The following MAPRE2 variants were observed in gnomAD, a reference collection of about 807,000 sequenced individuals.
The protein encoded by MAPRE2 is microtubule associated protein RP/EB family member 2, also known as microtubule-associated protein RP/EB family member 2.
Under a neutral mutation model 43.2 loss-of-function variants are expected in MAPRE2, and 13 were observed. The ratio of observed to expected loss-of-function variants is 0.30; its 90% confidence interval spans 0.20 to 0.48. MAPRE2 has a LOEUF of 0.48. Ranked by LOEUF, MAPRE2 falls within the 20% of genes least tolerant of loss-of-function variation. The pLI is 0.99. For synonymous variants in MAPRE2, 135 were observed against 148.8 expected, an observed-to-expected ratio of 0.91 and a Z score of 0.68; for missense variants, 161 against 400.2, an observed-to-expected ratio of 0.40 and a Z score of 5.10.
At chr18:35,047,288 CAG>C (rs1905678909) in intron 1 of MAPRE2, among the ~76,000 whole-genome samples, 1 of 152,184 alleles carries the variant, frequency 6.6e-6, no homozygotes, top group South Asian at 2.1e-4. Context: ...TTCCTGACTT[CAG>C]GCCATCTTTC....
At chr18:35,055,783 TG>T (rs1380779749) in intron 1 of MAPRE2, among the ~76,000 whole-genome samples, 2 of 151,974 alleles carry the variant, frequency 1.3e-5, no homozygotes, top group Non-Finnish European at 1.5e-5. Flanking sequence ...GGTGAAACCT[TG>T]TCTCTACTAA....
chr18:35,041,251 G>C, upstream of MAPRE2: 5 of 1,223,006 alleles, frequency 4.1e-6, no homozygotes, highest in Non-Finnish European at 5.3e-6. Context: ...GGAGCTGCTG[G>C]CGTGGTCACG....
At chr18:35,075,115 A>G (rs1907284504) in intron 2 of MAPRE2, among the ~76,000 whole-genome samples, 1 of 152,154 alleles carries the variant, frequency 6.6e-6, no homozygotes, top group African/African-American at 2.4e-5. Flanking sequence ...GAATTTGGCT[A>G]ATGATATTGT....
intron 1 of MAPRE2, among the ~76,000 whole-genome samples, chr18:34,996,889 C>T (rs1478727465): frequency 1.3e-5 from 2 of 152,174 alleles, no homozygotes; most frequent in Non-Finnish European, 2.9e-5. Flanking sequence ...ATGAGAAAAG[C>T]CTGTGATTTG....
chr18:34,993,256 T>G lies in MAPRE2; in HGVS notation c.-69-12236T>G, dbSNP rs540349141. 8.4e-3 allele frequency among the ~76,000 whole-genome samples: 991 copies of G among 118,596 alleles called. 57 individuals are homozygous for G. In the East Asian group the frequency reaches 0.18, roughly 21 times the overall value. The allele number at this position is 118,596 out of a possible 152,430, so 77.8% of individuals were successfully genotyped here. On this transcript the variant is annotated intron_variant, in intron 1 of 7. Transcript: ENST00000413393. ...ATAGGTGTATACCACCATTCCCGCC[T>G]TTTTTTTTTTTTTTTTTTTTACTTT...
intron 1 of MAPRE2, among the ~76,000 whole-genome samples, chr18:34,977,355 G>C (rs540727125): frequency 6.6e-6 from 1 of 152,332 alleles, no homozygotes; most frequent in East Asian, 1.9e-4. Context: ...GGAAAGTGGA[G>C]GGAGGGAGTT....
chr18:35,058,036 T>C (rs1036088063), intron 1 of MAPRE2, among the ~76,000 whole-genome samples: 5 of 152,216 alleles, frequency 3.3e-5, no homozygotes, highest in African/African-American at 1.2e-4. Flanking sequence ...ATGGGTTTGA[T>C]GTAGAGGCAG....
At chr18:34,992,223 G>A (rs1324555884) in intron 1 of MAPRE2, among the ~76,000 whole-genome samples, 2 of 152,136 alleles carry the variant, frequency 1.3e-5, no homozygotes, top group African/African-American at 4.8e-5. Context: ...TAAAATTAGA[G>A]AAATGATAAA....
At chr18:35,019,842 G>C (rs1042435962) in intron 2 of MAPRE2, among the ~76,000 whole-genome samples, 13 of 151,938 alleles carry the variant, frequency 8.6e-5, no homozygotes, top group Admixed American at 8.5e-4. Flanking sequence ...ATTACAGCGT[G>C]GAATTCCTGA....
At chr18:35,051,059 T>C (rs751941001) in intron 1 of MAPRE2, among the ~76,000 whole-genome samples, 1 of 152,198 alleles carries the variant, frequency 6.6e-6, no homozygotes, top group Non-Finnish European at 1.5e-5. Context: ...GACAGGATCA[T>C]TGGGAGATGG....
intron 2 of MAPRE2, among the ~76,000 whole-genome samples, chr18:35,034,316 T>G (rs1309389441): frequency 2.6e-5 from 4 of 152,144 alleles, no homozygotes; most frequent in Non-Finnish European, 5.9e-5. Context: ...CCATCCTATG[T>G]AGAAAGCTGA....
At chr18:35,128,523 T>C (rs1315181577) in intron 5 of MAPRE2, among the ~76,000 whole-genome samples, 1 of 152,206 alleles carries the variant, frequency 6.6e-6, no homozygotes. Flanking sequence ...CAGTACAACA[T>C]AACTTTACAT....
chr18:35,015,662 G>GTGTT (rs1473792332), intron 2 of MAPRE2, among the ~76,000 whole-genome samples: 1 of 151,408 alleles, frequency 6.6e-6, no homozygotes, highest in Non-Finnish European at 1.5e-5. Context: ...GTGTGTGTGT[G>GTGTT]TGTGTGTGTG....
intron 1 of MAPRE2, among the ~76,000 whole-genome samples, chr18:35,060,593 A>C (rs1906473357): frequency 6.6e-6 from 1 of 152,298 alleles, no homozygotes; most frequent in South Asian, 2.1e-4. Flanking sequence ...AGAATTCCAA[A>C]ATTTTGTCAT....
chr18:35,100,534 T>C (rs2144176459), intron 3 of MAPRE2, among the ~76,000 whole-genome samples: 1 of 152,274 alleles, frequency 6.6e-6, no homozygotes, highest in Non-Finnish European at 1.5e-5. Flanking sequence ...TGCAGCACTA[T>C]TCACAATAGC....
chr18:35,032,008 A>C (rs947026259), intron 2 of MAPRE2, among the ~76,000 whole-genome samples: 1 of 152,186 alleles, frequency 6.6e-6, no homozygotes, highest in African/African-American at 2.4e-5. Context: ...AACCAATCTC[A>C]AATACATTTC....
chr18:35,000,332 A>G (rs1446267617), intron 1 of MAPRE2, among the ~76,000 whole-genome samples: 3 of 152,252 alleles, frequency 2.0e-5, no homozygotes, highest in Non-Finnish European at 1.5e-5. Context: ...CTGGTTAAAC[A>G]CATAGCAATG....
At chr18:35,043,133 T>C (rs770353556) in intron 1 of MAPRE2, among the ~76,000 whole-genome samples, 3 of 152,244 alleles carry the variant, frequency 2.0e-5, no homozygotes, top group Non-Finnish European at 4.4e-5. Flanking sequence ...TCTGGAGATA[T>C]CCTTTCAGAG....
At chr18:35,072,373 C>G (rs1468457371) in intron 2 of MAPRE2, among the ~76,000 whole-genome samples, 2 of 152,056 alleles carry the variant, frequency 1.3e-5, no homozygotes, top group Non-Finnish European at 2.9e-5. Flanking sequence ...GTATCTTACC[C>G]ACAAAGTGGG....
Sources: gnomAD v4.1 joint callset for allele counts (sites outside exome capture counted in the v4.1 genomes callset) on GRCh38, gnomAD v4.1.1 for gene constraint, MANE v1.5 for transcripts, NCBI Gene and HGNC (gene_info 2026-07-23, HGNC 2026-07-21) for gene names.